RBFOX1: variants seen among roughly 807,000 people sequenced by gnomAD.
The protein encoded by RBFOX1 is RNA binding fox-1 homolog 1.
In RBFOX1, 8 loss-of-function variants were observed where a neutral mutation model predicts 57.7. The observed-to-expected ratio is 0.14, with a 90% CI of 0.08 to 0.25. The LOEUF is 0.25. RBFOX1 is among the 10% of genes least tolerant of loss of function. RBFOX1 has a pLI of 1.00. For missense variants in RBFOX1, 611 were observed against 548.5 expected, an observed-to-expected ratio of 1.11 and a Z score of -1.14; for synonymous variants, 326 against 222.4, an observed-to-expected ratio of 1.47 and a Z score of -4.15.
intron 1 of RBFOX1, among the ~76,000 whole-genome samples, chr16:5,368,563 A>T (rs2065782176): frequency 6.6e-6 from 1 of 152,200 alleles, no homozygotes; most frequent in South Asian, 2.1e-4. Flanking sequence ...ACTCTTGCTT[A>T]GCTTTTATTT....
intron 4 of RBFOX1, among the ~76,000 whole-genome samples, chr16:7,409,650 C>T (rs1013801972): frequency 6.6e-6 from 1 of 152,202 alleles, no homozygotes; most frequent in South Asian, 2.1e-4. Flanking sequence ...CAGATGTAAT[C>T]CAATCACTAT....
chr16:6,489,774 G>T (rs43142), intron 2 of RBFOX1, among the ~76,000 whole-genome samples: 35,152 of 152,024 alleles, frequency 0.23, 4,735 homozygotes, highest in Non-Finnish European at 0.3. Context: ...CTTCACCTGG[G>T]TCAGGAGGTC....
chr16:6,778,719 A>G (rs1461481195), intron 3 of RBFOX1, among the ~76,000 whole-genome samples: 2 of 152,036 alleles, frequency 1.3e-5, no homozygotes, highest in Non-Finnish European at 2.9e-5. Flanking sequence ...AAGAAACTAG[A>G]TTGTCTTCCT....
At chr16:6,280,955 G>A (rs535333266) in intron 1 of RBFOX1, among the ~76,000 whole-genome samples, 1 of 146,508 alleles carries the variant, frequency 6.8e-6, no homozygotes, top group South Asian at 2.2e-4. Context: ...AGCAACATAT[G>A]TGTGTGTGTG....
intron 4 of RBFOX1, among the ~76,000 whole-genome samples, chr16:7,125,015 G>A (rs780449798): frequency 2.0e-5 from 3 of 152,170 alleles, no homozygotes; most frequent in Non-Finnish European, 4.4e-5. Context: ...TTTACATATG[G>A]GAAGGAGGGG....
At position 6,950,002 on chromosome 16, in the gene RBFOX1, A is replaced by C. The variant is rs922092553; in HGVS notation, c.-15-102055A>C. ...TGCTCTGTTGCCCAGGCTGGAGTGCAGTGGTGTGTTCTCGGCTCGCTGCAA... is the reference window on the plus strand; with the variant it reads ...TGCTCTGTTGCCCAGGCTGGAGTGCCGTGGTGTGTTCTCGGCTCGCTGCAA... On this transcript the variant is annotated intron_variant, in intron 3 of 15. Transcript: ENST00000550418. Among the ~76,000 whole-genome samples the C allele has an allele frequency of 3.3e-5, 5 of 149,886 alleles. No individual in the cohort carries two copies. The East Asian group carries it at 7.8e-4, about 24-fold the overall frequency.
chr16:5,357,185 C>T lies in RBFOX1; in HGVS notation c.220-110031C>T, dbSNP rs1721018508. On this transcript the variant is annotated intron_variant, in intron 1 of 2. Transcript: ENST00000585867. Reference sequence around the variant, plus strand: ...CTTCCCTGGGAACTGTACCTCTCACCCATTGCCACATGATGTAGCAGTGGG... The same window carrying T: ...CTTCCCTGGGAACTGTACCTCTCACTCATTGCCACATGATGTAGCAGTGGG... Among the ~76,000 whole-genome samples, 4 of 152,250 alleles carry T rather than the reference C, an allele frequency of 2.6e-5. No individual in the cohort carries two copies. In the South Asian group the frequency reaches 8.3e-4, roughly 32 times the overall value.
At chr16:6,548,472 G>A (rs113037687) in intron 2 of RBFOX1, among the ~76,000 whole-genome samples, 6 of 152,244 alleles carry the variant, frequency 3.9e-5, no homozygotes, top group African/African-American at 1.4e-4. Flanking sequence ...AAGGTTACAA[G>A]GATGTTTACA....
chr16:5,634,111 A>T (rs938984122), intron 3 of RBFOX1, among the ~76,000 whole-genome samples: 3 of 152,056 alleles, frequency 2.0e-5, no homozygotes, highest in African/African-American at 7.2e-5. Flanking sequence ...CTTACCCTTT[A>T]CCTTTTATAG....
intron 13 of RBFOX1, among the ~76,000 whole-genome samples, chr16:7,671,015 G>C (rs748319891): frequency 3.3e-5 from 5 of 152,140 alleles, no homozygotes; most frequent in Admixed American, 6.5e-5. Context: ...TAGTCTGAAA[G>C]TATTAAAAGG....
intron 4 of RBFOX1, among the ~76,000 whole-genome samples, chr16:5,884,404 A>G (rs1486878277): frequency 1.3e-5 from 2 of 151,938 alleles, no homozygotes; most frequent in Non-Finnish European, 2.9e-5. Flanking sequence ...CCTATGGTAG[A>G]GACAGCTCTG....
chr16:6,197,319 C>T (rs2097186182), intron 1 of RBFOX1, among the ~76,000 whole-genome samples: 1 of 151,988 alleles, frequency 6.6e-6, no homozygotes, highest in Admixed American at 6.6e-5. Context: ...TCCGTATCTC[C>T]CACTGACCCC....
chr16:7,300,889 A>G (rs1292861147), intron 4 of RBFOX1, among the ~76,000 whole-genome samples: 1 of 152,200 alleles, frequency 6.6e-6, no homozygotes, highest in Non-Finnish European at 1.5e-5. Flanking sequence ...CCATTCCATT[A>G]AGGGTCCTTG....
At chr16:6,807,540 G>C (rs1209518186) in intron 3 of RBFOX1, among the ~76,000 whole-genome samples, 2 of 152,044 alleles carry the variant, frequency 1.3e-5, no homozygotes, top group Non-Finnish European at 2.9e-5. Flanking sequence ...TACTATGGCG[G>C]AGTGTGGTGG....
Position 5,466,939 on chromosome 16 carries a change from A to C in RBFOX1, c.220-277A>C, listed in dbSNP as rs151098915. On this transcript the variant is annotated intron_variant, in intron 1 of 2. Transcript: ENST00000585867. Reference sequence around the variant, plus strand: ...TATCATTCTGATCTGATCTTCATTTATTATTAATAGTTATTGGTTAGCTTC... The same window carrying C: ...TATCATTCTGATCTGATCTTCATTTCTTATTAATAGTTATTGGTTAGCTTC... Among the ~76,000 whole-genome samples the C allele has an allele frequency of 2.0e-5, 3 of 152,142 alleles. No homozygotes were observed. In the East Asian group the frequency reaches 5.8e-4, roughly 30 times the overall value.
In RBFOX1 at chr16:6,986,660, C is replaced by G. The variant is rs62016419; in HGVS notation, c.-15-65397C>G. On this transcript the variant is annotated intron_variant, in intron 3 of 15. Coordinates refer to ENST00000550418, the MANE Select transcript of RBFOX1 (RefSeq NM_018723.4). The stretch of plus-strand genomic sequence containing the variant: ...GCTCATCCTCTGTCTCCCTCTTTTC[C>G]TTCCCTTCCTCTCCCTCCCCTTCTC... Among the ~76,000 whole-genome samples, 1,251 of 152,142 alleles carry G rather than the reference C, an allele frequency of 8.2e-3. 8 individuals carry two copies. Among genetic ancestry groups the G allele is most frequent in the Non-Finnish European group, 0.012 (837 of 68,008 alleles).
chr16:6,336,695 G>C (rs1184862129), intron 2 of RBFOX1, among the ~76,000 whole-genome samples: 1 of 151,818 alleles, frequency 6.6e-6, no homozygotes, highest in African/African-American at 2.4e-5. Flanking sequence ...TAAAGAGGTG[G>C]GGGGGAAATT....
At chr16:5,998,499 A>G (rs2060529290) in intron 4 of RBFOX1, among the ~76,000 whole-genome samples, 1 of 152,226 alleles carries the variant, frequency 6.6e-6, no homozygotes, top group Non-Finnish European at 1.5e-5. Context: ...TTCTAGGGCT[A>G]GGGTGTTTTC....
At chr16:6,085,854 GC>G (rs2096076016) in intron 1 of RBFOX1, among the ~76,000 whole-genome samples, 1 of 151,974 alleles carries the variant, frequency 6.6e-6, no homozygotes, top group Non-Finnish European at 1.5e-5. Flanking sequence ...GGATACATGT[GC>G]CAAACATGCA....
Sources: gnomAD v4.1 joint callset for allele counts (sites outside exome capture counted in the v4.1 genomes callset) on GRCh38, gnomAD v4.1.1 for gene constraint, MANE v1.5 for transcripts, NCBI Gene and HGNC (gene_info 2026-07-23, HGNC 2026-07-21) for gene names.